ROBO1: variants seen among roughly 807,000 people sequenced by gnomAD.
The protein encoded by ROBO1 is roundabout homolog 1.
ROBO1 carries 149 observed loss-of-function variants against 195.9 expected under a neutral mutation model. That is an observed-to-expected ratio of 0.76 (90% CI 0.67 to 0.87). The LOEUF is 0.87. ROBO1 is among the 40% of genes least tolerant of loss of function. ROBO1 has a pLI of 0.00. For synonymous variants in ROBO1, 816 were observed against 733.2 expected, an observed-to-expected ratio of 1.11 and a Z score of -1.82; for missense variants, 1,933 against 2,068.3, an observed-to-expected ratio of 0.93 and a Z score of 1.27.
intron 2 of ROBO1, among the ~76,000 whole-genome samples, chr3:79,539,529 A>G (rs1003968103): frequency 3.3e-5 from 5 of 152,118 alleles, no homozygotes; most frequent in Non-Finnish European, 7.4e-5. Context: ...ATATATTGAA[A>G]CATGCATATG....
intron 1 of ROBO1, among the ~76,000 whole-genome samples, chr3:79,728,563 C>A (rs1340729910): frequency 1.3e-5 from 2 of 152,028 alleles, no homozygotes; most frequent in East Asian, 3.9e-4. Context: ...AAAAATAAAT[C>A]ACATTTTAAT....
chr3:79,308,166 C>T (rs1238265393), intron 2 of ROBO1, among the ~76,000 whole-genome samples: 1 of 151,972 alleles, frequency 6.6e-6, no homozygotes, highest in African/African-American at 2.4e-5. Flanking sequence ...GTTGTTTTTT[C>T]CTACTAAAAA....
At chr3:78,711,356 TTCCTTC>T (rs2081703937) in intron 8 of ROBO1, among the ~76,000 whole-genome samples, 4 of 40,246 alleles carry the variant, frequency 9.9e-5, no homozygotes, top group Non-Finnish European at 1.3e-4. Flanking sequence ...TCCTCCTTCC[TTCCTTC>T]CTTCCTTCCT....
At chr3:79,139,413 T>C (rs1338120110) in intron 2 of ROBO1, among the ~76,000 whole-genome samples, 1 of 152,142 alleles carries the variant, frequency 6.6e-6, no homozygotes, top group Non-Finnish European at 1.5e-5. Flanking sequence ...GTGGAAACAC[T>C]GACAAAGTAG....
chr3:79,492,014 T>C (rs1351943420), intron 2 of ROBO1, among the ~76,000 whole-genome samples: 1 of 150,880 alleles, frequency 6.6e-6, no homozygotes, highest in African/African-American at 2.4e-5. Flanking sequence ...TATTTTTTGG[T>C]TGTAACTTAC....
intron 2 of ROBO1, among the ~76,000 whole-genome samples, chr3:79,183,670 G>A (rs1272649342): frequency 6.6e-6 from 1 of 152,206 alleles, no homozygotes; most frequent in Non-Finnish European, 1.5e-5. Context: ...GGACAAGAAA[G>A]GACCTGCTTA....
intron 25 of ROBO1, 49 bp downstream of exon 25, chr3:78,631,112 T>G (rs748016837): frequency 1.3e-6 from 2 of 1,563,722 alleles, no homozygotes; most frequent in Non-Finnish European, 1.7e-6. Flanking sequence ...GAAAATGGGC[T>G]GAAACAATCA....
chr3:79,693,257 A>T (rs1320412213), intron 1 of ROBO1, among the ~76,000 whole-genome samples: 2 of 151,918 alleles, frequency 1.3e-5, no homozygotes, highest in Non-Finnish European at 2.9e-5. Context: ...ATACATACAT[A>T]CAAACTTTGT....
At chr3:79,562,923 A>G (rs186968313) in intron 2 of ROBO1, among the ~76,000 whole-genome samples, 187 of 152,162 alleles carry the variant, frequency 1.2e-3, no homozygotes, top group African/African-American at 4.2e-3. Context: ...TCATAAATGA[A>G]CTAAAGACAC....
At chr3:78,791,587 T>A (rs2084023323) in intron 4 of ROBO1, among the ~76,000 whole-genome samples, 1 of 152,142 alleles carries the variant, frequency 6.6e-6, no homozygotes, top group African/African-American at 2.4e-5. Context: ...CATTATTTCT[T>A]AAAAAGAGAC....
rs189072958 is a variant in ROBO1 at position 79,287,222 on chromosome 3, T to C, written c.89-161683A>G. 1.4e-3 allele frequency among the ~76,000 whole-genome samples: 220 copies of C among 152,310 alleles called. 1 individual carries two copies. Among genetic ancestry groups the C allele is most frequent in the African/African-American group, 5.0e-3 (209 of 41,586 alleles). ...TAAGTTTGGAAATATTTTGGCTTCA[T>C]GTAGTTTTGCTCTTCATTTTGGATG... On this transcript the variant is annotated intron_variant, in intron 2 of 30. Transcript: ENST00000464233.
At chr3:78,848,524 A>G (rs1429012319) in intron 4 of ROBO1, among the ~76,000 whole-genome samples, 4 of 152,130 alleles carry the variant, frequency 2.6e-5, no homozygotes, top group African/African-American at 9.7e-5. Context: ...AGGTCAGGGA[A>G]TTGTCTTAGC....
rs146814673 is a variant in ROBO1 at position 78,833,030 on chromosome 3, T to C, written c.500-86130A>G. Among the ~76,000 whole-genome samples the C allele has an allele frequency of 4.5e-4, 68 of 152,274 alleles. 1 individual carries two copies. Among genetic ancestry groups the C allele is most frequent in the African/African-American group, 1.5e-3 (63 of 41,574 alleles). ...ATCGCATGCTAAGGATCTTGGACTTTATCCTGTAGGTAATTAGAAGCCAAA... is the reference window on the plus strand; with the variant it reads ...ATCGCATGCTAAGGATCTTGGACTTCATCCTGTAGGTAATTAGAAGCCAAA... On this transcript the variant is annotated intron_variant, in intron 4 of 30. Coordinates refer to ENST00000464233, the MANE Select transcript of ROBO1 (RefSeq NM_002941.4).
chr3:78,649,218 C>T (rs894866657), intron 19 of ROBO1, among the ~76,000 whole-genome samples: 6 of 151,804 alleles, frequency 4.0e-5, no homozygotes, highest in African/African-American at 1.2e-4. Context: ...ACAAGGACAC[C>T]GGGAAAATAT....
intron 3 of ROBO1, among the ~76,000 whole-genome samples, chr3:78,981,785 G>T (rs2076996958): frequency 7.6e-6 from 1 of 131,576 alleles, no homozygotes; most frequent in Non-Finnish European, 1.6e-5. Context: ...CCTGGCCCCT[G>T]CCAACACACA....
intron 1 of ROBO1, among the ~76,000 whole-genome samples, chr3:79,611,687 T>C (rs1218861795): frequency 2.0e-5 from 3 of 152,018 alleles, no homozygotes; most frequent in East Asian, 1.9e-4. Flanking sequence ...AGTTGAACAA[T>C]GAGAACACAT....
chr3:78,904,752 ATGTGTG>A (rs1559983787), intron 4 of ROBO1, among the ~76,000 whole-genome samples: 45 of 149,350 alleles, frequency 3.0e-4, no homozygotes, highest in African/African-American at 1.1e-3. Context: ...ATATGTATAT[ATGTGTG>A]TATATATATG....
chr3:79,283,495 A>G (rs2031663207), intron 2 of ROBO1, among the ~76,000 whole-genome samples: 1 of 152,220 alleles, frequency 6.6e-6, no homozygotes, highest in East Asian at 1.9e-4. Flanking sequence ...ACAGATTGGT[A>G]TATTAAATAG....
intron 2 of ROBO1, among the ~76,000 whole-genome samples, chr3:79,187,178 G>C (rs2081455519): frequency 6.6e-6 from 1 of 151,970 alleles, no homozygotes; most frequent in Non-Finnish European, 1.5e-5. Flanking sequence ...ATGTATTCCA[G>C]AGAGGTCAGA....
Sources: allele counts gnomAD v4.1 joint callset (sites outside exome capture counted in the v4.1 genomes callset), GRCh38; gene constraint gnomAD v4.1.1; transcripts MANE v1.5; gene names NCBI Gene and HGNC (gene_info 2026-07-23, HGNC 2026-07-21).